DLGAP1: variants seen among roughly 807,000 people sequenced by gnomAD.
The protein encoded by DLGAP1 is DLG associated protein 1, also known as disks large-associated protein 1.
DLGAP1 carries 11 observed loss-of-function variants against 90.8 expected under a neutral mutation model. The observed-to-expected ratio is 0.12, with a 90% CI of 0.08 to 0.20. The LOEUF (loss-of-function observed/expected upper bound fraction) is 0.20. DLGAP1 is among the 10% of genes least tolerant of loss of function. DLGAP1 has a pLI of 1.00. For synonymous variants in DLGAP1, 558 were observed against 540.7 expected (o/e 1.03, Z -0.44); for missense variants, 1,050 against 1,333.8 (o/e 0.79, Z 3.31).
At chr18:3,583,459 C>T (rs748936075) in intron 7 of DLGAP1, among the ~76,000 whole-genome samples, 11 of 152,110 alleles carry the variant, frequency 7.2e-5, no homozygotes, top group Non-Finnish European at 1.6e-4. Context: ...GATAAACTCT[C>T]ACTATATAAA....
chr18:3,879,386 G>C lies in DLGAP1; in HGVS notation c.683C>G (p.Pro228Arg). Reference sequence around the variant, plus strand: ...GAAGTACTGTGAGGCCGAGCGGTCGGGGCACCTGCCCATGGTCATCACGCC... The same window carrying C: ...GAAGTACTGTGAGGCCGAGCGGTCGCGGCACCTGCCCATGGTCATCACGCC... Reference protein sequence around the residue: ...PSGVMTMGRCPDRSASQYFLE... With the variant: ...PSGVMTMGRCRDRSASQYFLE... The change falls in exon 4 of 13, where the codon CCC becomes CGC. Residue 228 changes from proline (P) to arginine (R), a missense_variant. Coordinates refer to ENST00000315677, the MANE Select transcript of DLGAP1 (RefSeq NM_004746.4). The surrounding 1 kb of genome is among the most constrained non-coding windows in gnomAD (Gnocchi z 6.6). The C allele has an allele frequency of 6.2e-7, 1 of 1,613,312 alleles. No individual in the cohort carries two copies. The highest frequency in any genetic ancestry group is 1.1e-5 in the South Asian group (1 of 91,062).
At chr18:4,376,376 G>A (rs777451326) in intron 1 of DLGAP1, among the ~76,000 whole-genome samples, 8 of 152,116 alleles carry the variant, frequency 5.3e-5, no homozygotes, top group South Asian at 2.1e-4. Context: ...TGGAATCCAC[G>A]TAGAAATCAC....
chr18:3,855,485 A>T (rs2069583656), intron 4 of DLGAP1, among the ~76,000 whole-genome samples: 1 of 152,250 alleles, frequency 6.6e-6, no homozygotes, highest in Non-Finnish European at 1.5e-5. Flanking sequence ...GGAAAAATGA[A>T]GACTTAAGTG....
At chr18:4,166,031 T>C (rs542707570) in intron 1 of DLGAP1, among the ~76,000 whole-genome samples, 2 of 152,204 alleles carry the variant, frequency 1.3e-5, no homozygotes, top group Admixed American at 6.5e-5. Context: ...TGGTGGCATG[T>C]GCCTGCAGTA....
At chr18:3,847,347 T>C (rs1372746587) in intron 4 of DLGAP1, among the ~76,000 whole-genome samples, 1 of 152,194 alleles carries the variant, frequency 6.6e-6, no homozygotes. Context: ...TGGGATGCTC[T>C]TGAAGACTAG....
At chr18:3,917,078 G>C (rs1277018122) in intron 3 of DLGAP1, among the ~76,000 whole-genome samples, 2 of 152,202 alleles carry the variant, frequency 1.3e-5, no homozygotes, top group Admixed American at 1.3e-4. Context: ...CTTTGTGTTA[G>C]ATCATTTTGC....
chr18:4,098,697 A>C (rs1313004703), intron 2 of DLGAP1, among the ~76,000 whole-genome samples: 1 of 152,254 alleles, frequency 6.6e-6, no homozygotes, highest in African/African-American at 2.4e-5. Flanking sequence ...GGAAGAAAGA[A>C]TAAGGACAAA....
chr18:3,957,421 T>C (rs758249399), intron 3 of DLGAP1, among the ~76,000 whole-genome samples: 63 of 152,224 alleles, frequency 4.1e-4, no homozygotes, highest in Non-Finnish European at 5.1e-4. Context: ...GACAAACTTA[T>C]GTTGTTTTAA....
chr18:3,615,013 C>CT (rs397820466), intron 7 of DLGAP1, among the ~76,000 whole-genome samples: 23 of 150,944 alleles, frequency 1.5e-4, no homozygotes, highest in Non-Finnish European at 8.9e-5. Flanking sequence ...CCTCCGCCTC[C>CT]AGGTTCAAGT....
chr18:4,139,440 C>T (rs1161986945), intron 2 of DLGAP1, among the ~76,000 whole-genome samples: 5 of 151,794 alleles, frequency 3.3e-5, no homozygotes, highest in Admixed American at 6.6e-5. Flanking sequence ...CAAAGTTCCT[C>T]GTTATTGATT....
At chr18:4,191,129 A>G (rs1471865502) in intron 1 of DLGAP1, among the ~76,000 whole-genome samples, 1 of 152,148 alleles carries the variant, frequency 6.6e-6, no homozygotes, top group African/African-American at 2.4e-5. Flanking sequence ...TCCTTTAAAC[A>G]ATCATTTTGC....
intron 2 of DLGAP1, among the ~76,000 whole-genome samples, chr18:4,017,332 T>C (rs555222969): frequency 2.6e-4 from 39 of 152,298 alleles, no homozygotes; most frequent in African/African-American, 8.4e-4. Flanking sequence ...TCATACAGAT[T>C]TGATGCTCAA....
chr18:4,334,545 A>C (rs1368118685), intron 1 of DLGAP1, among the ~76,000 whole-genome samples: 5 of 151,864 alleles, frequency 3.3e-5, no homozygotes, highest in Non-Finnish European at 5.9e-5. Flanking sequence ...AAGTATTTGT[A>C]AAAATGTCCT....
intron 1 of DLGAP1, among the ~76,000 whole-genome samples, chr18:4,403,701 T>G (rs2082604983): frequency 6.6e-6 from 1 of 152,198 alleles, no homozygotes; most frequent in African/African-American, 2.4e-5. Flanking sequence ...TTTAAATAAT[T>G]ATTTAAAAGG....
intron 1 of DLGAP1, among the ~76,000 whole-genome samples, chr18:4,319,513 G>A (rs1421989778): frequency 1.3e-5 from 2 of 152,248 alleles, no homozygotes; most frequent in South Asian, 2.1e-4. Flanking sequence ...GATCCTGGGA[G>A]GAGAAATTAA....
intron 3 of DLGAP1, among the ~76,000 whole-genome samples, chr18:3,985,405 G>A (rs2073821637): frequency 6.6e-6 from 1 of 152,094 alleles, no homozygotes; most frequent in Non-Finnish European, 1.5e-5. Context: ...ACAGCTCATG[G>A]CACTCCTGTG....
chr18:4,283,125 G>A (rs1428715393), intron 1 of DLGAP1, among the ~76,000 whole-genome samples: 2 of 152,132 alleles, frequency 1.3e-5, no homozygotes, highest in Non-Finnish European at 2.9e-5. Context: ...TAAAACATAA[G>A]GCTGAAGAAC....
At chr18:3,547,034 G>A (rs1404664688) in intron 9 of DLGAP1, among the ~76,000 whole-genome samples, 1 of 151,988 alleles carries the variant, frequency 6.6e-6, no homozygotes, top group East Asian at 1.9e-4. Flanking sequence ...GGGCGCGGTG[G>A]CTCACGCCTG....
chr18:3,601,009 GATAGATATATAGATATAT>G (rs1266774351), intron 7 of DLGAP1, among the ~76,000 whole-genome samples: 1 of 118,950 alleles, frequency 8.4e-6, no homozygotes, highest in Admixed American at 8.6e-5. Context: ...TATAGATATA[GATAGATATATAGATATAT>G]AGATATAGAG....
Sources: allele counts gnomAD v4.1 joint callset (sites outside exome capture counted in the v4.1 genomes callset), GRCh38; gene constraint gnomAD v4.1.1; non-coding constraint Gnocchi (gnomAD v3.1); transcripts MANE v1.5; gene names NCBI Gene and HGNC (gene_info 2026-07-23, HGNC 2026-07-21).